The following DPF3 variants were observed in gnomAD, a reference collection of about 807,000 sequenced individuals.
DPF3 encodes zinc finger protein DPF3.
DPF3 carries 18 observed loss-of-function variants against 56.8 expected under a neutral mutation model. The observed-to-expected ratio is 0.32, with a 90% confidence interval of 0.22 to 0.47. The LOEUF (loss-of-function observed/expected upper bound fraction) is 0.47, where lower values mean the gene tolerates loss of function less well. Among genes scored for constraint, DPF3 ranks in the 20% least tolerant of loss-of-function variants. The pLI is 1.00. For missense variants in DPF3, 403 were observed against 488.8 expected (o/e 0.82, Z 1.65); for synonymous variants, 188 against 180.2 (o/e 1.04, Z -0.35).
chr14:72,877,281 C>T (rs534632327), intron 1 of DPF3, among the ~76,000 whole-genome samples: 3 of 152,224 alleles, frequency 2.0e-5, no homozygotes, highest in Non-Finnish European at 4.4e-5. Context: ...GTGGGCTGTC[C>T]AGGGCTGCCG....
chr14:72,802,674 A>C (rs1054119728), intron 1 of DPF3, among the ~76,000 whole-genome samples: 1 of 152,204 alleles, frequency 6.6e-6, no homozygotes, highest in Non-Finnish European at 1.5e-5. Context: ...GGAGAAAAGA[A>C]TTTGGATTCT....
At chr14:72,671,371 G>C (rs779083470) in intron 8 of DPF3, 35 of 1,610,742 alleles carry the variant, frequency 2.2e-5, no homozygotes, top group Non-Finnish European at 3.0e-5. Context: ...CAGCACATGG[G>C]TTAAGCAACA....
intron 5 of DPF3, among the ~76,000 whole-genome samples, chr14:72,715,063 G>A (rs1318269394): frequency 6.6e-6 from 1 of 152,218 alleles, no homozygotes; most frequent in Non-Finnish European, 1.5e-5. Context: ...CAGGCCCAGT[G>A]CACGAGTGTA....
chr14:72,623,238 G>A (rs1251487202), intron 9 of DPF3, among the ~76,000 whole-genome samples: 1 of 152,048 alleles, frequency 6.6e-6, no homozygotes, highest in East Asian at 1.9e-4. Context: ...TGAATATAAT[G>A]TTTCTTTATA....
intron 1 of DPF3, among the ~76,000 whole-genome samples, chr14:72,868,109 G>A (rs1052367209): frequency 6.6e-6 from 1 of 152,086 alleles, no homozygotes; most frequent in East Asian, 1.9e-4. Flanking sequence ...TGGATCTTTT[G>A]AGCCCTCAAA....
chr14:72,844,031 G>A (rs1285715954), intron 1 of DPF3, among the ~76,000 whole-genome samples: 1 of 152,224 alleles, frequency 6.6e-6, no homozygotes, highest in African/African-American at 2.4e-5. Flanking sequence ...TTTGGCTAGA[G>A]TCTGTGCTCT....
intron 6 of DPF3, among the ~76,000 whole-genome samples, chr14:72,700,330 G>A (rs112346644): frequency 1.1e-3 from 161 of 152,252 alleles, no homozygotes; most frequent in African/African-American, 3.8e-3. Flanking sequence ...CCCTGCTGTT[G>A]GCATCTTGAA....
chr14:72,702,672 C>G (rs1215004941), intron 6 of DPF3, among the ~76,000 whole-genome samples: 1 of 152,178 alleles, frequency 6.6e-6, no homozygotes, highest in Non-Finnish European at 1.5e-5. Flanking sequence ...AACCAATTCC[C>G]CCGAGCAGGG....
intron 1 of DPF3, among the ~76,000 whole-genome samples, chr14:72,775,040 C>G (rs1328754799): frequency 6.6e-6 from 1 of 152,120 alleles, no homozygotes; most frequent in Non-Finnish European, 1.5e-5. Context: ...GCTCCAGCCC[C>G]CACCCATGAA....
chr14:72,817,549 C>T (rs999405000), intron 1 of DPF3, among the ~76,000 whole-genome samples: 7 of 152,016 alleles, frequency 4.6e-5, no homozygotes, highest in African/African-American at 1.7e-4. Context: ...TGGCGCAAGC[C>T]GGTAGTCCCA....
chr14:72,859,505 C>G (rs988054558), intron 1 of DPF3, among the ~76,000 whole-genome samples: 5 of 122,508 alleles, frequency 4.1e-5, no homozygotes, highest in Non-Finnish European at 8.1e-5. Flanking sequence ...CCCTAACCTT[C>G]TGGAATCACG....
At chr14:72,849,216 G>A (rs151057247) in intron 1 of DPF3, among the ~76,000 whole-genome samples, 26 of 152,332 alleles carry the variant, frequency 1.7e-4, no homozygotes, top group African/African-American at 6.3e-4. Flanking sequence ...TTCAAGGGCT[G>A]GACCACGTTT....
At chr14:72,639,055 G>T (rs1047418412) in intron 8 of DPF3, among the ~76,000 whole-genome samples, 1 of 152,140 alleles carries the variant, frequency 6.6e-6, no homozygotes, top group South Asian at 2.1e-4. Flanking sequence ...CTAACCTTGC[G>T]ATCTGCCTGC....
intron 8 of DPF3, chr14:72,661,067 T>C: frequency 1.0e-6 from 1 of 985,500 alleles, no homozygotes; most frequent in Non-Finnish European, 1.2e-6. Context: ...AACAGACTTT[T>C]TATTTAACAG....
chr14:72,836,417 G>A, intron 1 of DPF3: 1 of 985,554 alleles, frequency 1.0e-6, no homozygotes, highest in African/African-American at 1.7e-5. Context: ...CCAGCCACTG[G>A]ATAAGCGCAC....
chr14:72,629,802 A>G (rs901505913), intron 8 of DPF3, 66 bp from the exon 9 acceptor site: 70 of 1,259,318 alleles, frequency 5.6e-5, no homozygotes, highest in Non-Finnish European at 7.8e-5. Flanking sequence ...AACACCACTC[A>G]CTGGAAACAC....
rs749753214 is a variant in DPF3, at chr14:72,674,281, C to T, written c.830G>A (p.Arg277Gln). 1.2e-5 allele frequency: 19 copies of T among 1,612,438 alleles called. No individual in the cohort carries two copies. The highest frequency in any genetic ancestry group is 2.2e-5 in the East Asian group (1 of 44,816). The part of the protein sequence containing the change: ...GGSNMNKKSG[R>Q]PEELVSCADC... ...TGCGCAGGACACCAGCTCTTCAGGC[C>T]GCCCACTCTTCTTGTTCATGTTGGA... is the stretch of plus-strand genomic sequence containing the variant. The change falls in exon 8 of 11, where the codon CGG (arginine) becomes CAG (glutamine). Residue 277 changes from arginine to glutamine, a missense_variant. Coordinates refer to ENST00000556509, the MANE Select transcript of DPF3 (RefSeq NM_001280542.3).
chr14:72,660,978 G>T, intron 8 of DPF3: 1 of 813,812 alleles, frequency 1.2e-6, no homozygotes, highest in Non-Finnish European at 1.5e-6. Context: ...CCTGCCGCAT[G>T]ACGGCGTGAA....
At chr14:72,734,133 G>T (rs1889790240) in intron 3 of DPF3, among the ~76,000 whole-genome samples, 1 of 152,202 alleles carries the variant, frequency 6.6e-6, no homozygotes, top group Non-Finnish European at 1.5e-5. Context: ...ACCAAATAAA[G>T]ACAGGCCCTG....
Sources: allele counts gnomAD v4.1 joint callset (sites outside exome capture counted in the v4.1 genomes callset), GRCh38; gene constraint gnomAD v4.1.1; transcripts MANE v1.5; gene names NCBI Gene and HGNC (gene_info 2026-07-23, HGNC 2026-07-21).